SLC14A2: variants seen among roughly 807,000 people sequenced by gnomAD.
The protein encoded by SLC14A2 is urea transporter 2.
SLC14A2 carries 91 observed loss-of-function variants against 104.6 expected under a neutral mutation model. The observed-to-expected ratio is 0.87, with a 90% CI of 0.73 to 1.04. SLC14A2 has a LOEUF of 1.04. Among genes scored for constraint, SLC14A2 ranks in the 50% least tolerant of loss-of-function variants. The probability of loss-of-function intolerance (pLI) is 0.00; values close to 1 mark genes in which losing one functional copy is unlikely to be tolerated. For synonymous variants in SLC14A2, 476 were observed against 466.4 expected, an observed-to-expected ratio of 1.02 and a Z score of -0.27; for missense variants, 1,189 against 1,156.0, an observed-to-expected ratio of 1.03 and a Z score of -0.41.
chr18:45,290,223 G>C (rs1019507615), intron 1 of SLC14A2, among the ~76,000 whole-genome samples: 1 of 152,126 alleles, frequency 6.6e-6, no homozygotes, highest in Admixed American at 6.5e-5. Context: ...AATGAATATG[G>C]TACCCAATAG....
chr18:45,339,031 G>A (rs904012060), intron 1 of SLC14A2, among the ~76,000 whole-genome samples: 2 of 152,042 alleles, frequency 1.3e-5, no homozygotes, highest in Non-Finnish European at 2.9e-5. Context: ...CCTCCTCCGG[G>A]GTTCAAGCAA....
chr18:45,303,293 G>C (rs2084986025), intron 1 of SLC14A2, among the ~76,000 whole-genome samples: 1 of 152,222 alleles, frequency 6.6e-6, no homozygotes, highest in Admixed American at 6.5e-5. Context: ...CAGTCTATGA[G>C]TGGTTGAAGT....
At chr18:45,341,692 A>G (rs2085398093) in intron 1 of SLC14A2, among the ~76,000 whole-genome samples, 1 of 140,452 alleles carries the variant, frequency 7.1e-6, no homozygotes, top group Admixed American at 7.9e-5. Context: ...TGCTGGGTTC[A>G]AGCAATTCTC....
chr18:45,332,907 G>A (rs562014090), intron 1 of SLC14A2, among the ~76,000 whole-genome samples: 2 of 152,246 alleles, frequency 1.3e-5, no homozygotes, highest in South Asian at 2.1e-4. Flanking sequence ...GATTCAGACC[G>A]CCTTTGGGAG....
chr18:45,370,100 T>C (rs1336927842), intron 1 of SLC14A2, among the ~76,000 whole-genome samples: 2 of 152,174 alleles, frequency 1.3e-5, no homozygotes. Flanking sequence ...CTTTCCCTGT[T>C]CCTGCCAAAT....
intron 1 of SLC14A2, among the ~76,000 whole-genome samples, chr18:45,305,691 G>A (rs539810687): frequency 6.9e-4 from 105 of 152,246 alleles, no homozygotes; most frequent in Non-Finnish European, 1.4e-3. Flanking sequence ...GCTGTGTGTA[G>A]CGAAGATGGT....
intron 2 of SLC14A2, among the ~76,000 whole-genome samples, chr18:45,603,061 CT>C (rs2044815558): frequency 6.6e-6 from 1 of 152,150 alleles, no homozygotes; most frequent in Non-Finnish European, 1.5e-5. Context: ...ACTGAATCTA[CT>C]GAATCAATCA....
chr18:45,346,303 GCAC>G (rs767336915), intron 1 of SLC14A2, among the ~76,000 whole-genome samples: 84 of 152,126 alleles, frequency 5.5e-4, no homozygotes, highest in Non-Finnish European at 4.1e-4. Flanking sequence ...TTACAGGCAT[GCAC>G]CACCACATCT....
At chr18:45,650,842 C>T (rs1275788706) in intron 10 of SLC14A2, among the ~76,000 whole-genome samples, 1 of 152,062 alleles carries the variant, frequency 6.6e-6, no homozygotes, top group Non-Finnish European at 1.5e-5. Flanking sequence ...CAGGTTCAAG[C>T]GATTCTCCTG....
intron 1 of SLC14A2, among the ~76,000 whole-genome samples, chr18:45,239,582 A>G (rs1329549828): frequency 2.0e-5 from 3 of 152,216 alleles, no homozygotes; most frequent in Admixed American, 2.0e-4. Flanking sequence ...GCAGAGACAC[A>G]TGTTGTACAG....
intron 1 of SLC14A2, among the ~76,000 whole-genome samples, chr18:45,365,003 T>C (rs1457741978): frequency 6.6e-6 from 1 of 152,198 alleles, no homozygotes; most frequent in Non-Finnish European, 1.5e-5. Flanking sequence ...AGAATTCTCT[T>C]CAGATGAGAT....
chr18:45,192,581 C>T, the SLC14A2 span, among the ~76,000 whole-genome samples: 2 of 151,650 alleles, frequency 1.3e-5, no homozygotes, highest in African/African-American at 2.4e-5. Flanking sequence ...TATGGTAAGT[C>T]TTTTTAACCA....
In SLC14A2 at chr18:45,622,332, CT is replaced by C. The variant is rs559241409; in HGVS notation, c.-34-2298del. On this transcript the variant is annotated intron_variant, in intron 1 of 19. Transcript: ENST00000255226. ...GCATTAAGTGTGACTCCTGAGTTTT[CT>C]GAAGGAATGGCTTGGAAGGGGAAGA... Among the ~76,000 whole-genome samples the C allele has an allele frequency of 4.8e-3, 725 of 152,210 alleles. 3 individuals are homozygous for C. The highest frequency in any genetic ancestry group is 0.01 in the Middle Eastern group (3 of 294).
chr18:45,230,534 TG>T (rs1014314653), intron 1 of SLC14A2, among the ~76,000 whole-genome samples: 1 of 152,226 alleles, frequency 6.6e-6, no homozygotes, highest in African/African-American at 2.4e-5. Context: ...GGGATCAGAT[TG>T]TGCCACCCAG....
intron 1 of SLC14A2, among the ~76,000 whole-genome samples, chr18:45,323,875 G>A (rs1443069278): frequency 1.3e-5 from 2 of 152,192 alleles, no homozygotes; most frequent in African/African-American, 4.8e-5. Flanking sequence ...ACATTGAGAA[G>A]TTGCAGGTTT....
At chr18:45,680,422 T>G (rs2046295135) in intron 19 of SLC14A2, among the ~76,000 whole-genome samples, 1 of 152,246 alleles carries the variant, frequency 6.6e-6, no homozygotes, top group Admixed American at 6.5e-5. Context: ...GACATTGTGT[T>G]GGCCACTCTC....
chr18:45,170,466 A>C, the SLC14A2 span, among the ~76,000 whole-genome samples: 2 of 152,228 alleles, frequency 1.3e-5, no homozygotes, highest in African/African-American at 4.8e-5. Context: ...TAGAAGGGAT[A>C]TATAACCTTG....
intron 1 of SLC14A2, among the ~76,000 whole-genome samples, chr18:45,401,037 C>A (rs1334238732): frequency 6.6e-6 from 1 of 152,160 alleles, no homozygotes; most frequent in Non-Finnish European, 1.5e-5. Context: ...GAGCAAGGGC[C>A]TTTAGAAGCT....
intron 16 of SLC14A2, among the ~76,000 whole-genome samples, 199 bp from the exon 17 acceptor site, chr18:45,672,701 A>G (rs1389740219): frequency 6.6e-6 from 1 of 152,240 alleles, no homozygotes; most frequent in Non-Finnish European, 1.5e-5. Context: ...ATCCTAATCC[A>G]TCAGTGTTCT....
Sources: allele counts gnomAD v4.1 joint callset (sites outside exome capture counted in the v4.1 genomes callset), GRCh38; gene constraint gnomAD v4.1.1; transcripts MANE v1.5; gene names NCBI Gene and HGNC (gene_info 2026-07-23, HGNC 2026-07-21).